Variants in PRDM9 observed in about 807,000 individuals in gnomAD.
PRDM9 encodes the protein histone-lysine N-methyltransferase PRDM9.
PRDM9 carries 47 observed loss-of-function variants against 55.6 expected under a neutral mutation model. The observed-to-expected ratio is 0.85, with a 90% CI of 0.67 to 1.08. The LOEUF is 1.08. PRDM9 is among the 50% of genes least tolerant of loss of function. The pLI, the probability that PRDM9 is intolerant of heterozygous loss-of-function variation, is 0.00. For synonymous variants in PRDM9, 312 were observed against 375.7 expected, an observed-to-expected ratio of 0.83 and a Z score of 1.96; for missense variants, 867 against 1,040.3, an observed-to-expected ratio of 0.83 and a Z score of 2.29.
rs1449710796 is a variant in PRDM9 at position 23,527,527 on chromosome 5, T to A, written c.2439T>A (p.Phe813Leu). ...PYVCRECGRGFSNKSHLLRHQ... is the reference protein window; with the variant it reads ...PYVCRECGRGLSNKSHLLRHQ... ...TCTGCAGGGAGTGTGGGCGGGGCTT[T>A]AGCAATAAGTCACACCTCCTCAGAC... Residue 813 changes from phenylalanine (F) to leucine (L), a missense_variant, in exon 11 of 11, where the codon TTT becomes TTA. Physicochemically the swap from Phe to Leu is conservative, Grantham distance 22. Transcript: ENST00000296682. 1 of 1,564,214 alleles carries A rather than the reference T, an allele frequency of 6.4e-7. No homozygotes were observed. Among genetic ancestry groups the A allele is most frequent in the South Asian group, 1.1e-5 (1 of 87,620 alleles).
At chr5:23,523,870 G>A (rs1337318703) in intron 9 of PRDM9, among the ~76,000 whole-genome samples, 2 of 152,168 alleles carry the variant, frequency 1.3e-5, no homozygotes, top group Non-Finnish European at 1.5e-5. Context: ...CAGGTGAATG[G>A]CACCTGAATG....
chr5:23,523,155 C>T (rs1217481039), intron 8 of PRDM9, 136 bp from the exon 9 acceptor site: 1 of 1,145,032 alleles, frequency 8.7e-7, no homozygotes, highest in Non-Finnish European at 1.3e-6. Flanking sequence ...TAGATGATGA[C>T]TAAGGTGCAT....
rs1235185238 is a variant in PRDM9, at chr5:23,509,522, C to A, written c.122C>A (p.Ala41Glu). The change falls in exon 3 of 11, where the codon GCA becomes GAA. Residue 41 changes from alanine to glutamate, a missense_variant. Coordinates refer to ENST00000296682, the MANE Select transcript of PRDM9 (RefSeq NM_020227.4). ...ISIYFTKEEW[A>E]EMGDWEKTRY... is the part of the protein sequence containing the mutation. ...ATATACTTCACCAAGGAAGAATGGG[C>A]AGAGATGGGAGACTGGGAGAAAACT... 6.2e-7 allele frequency: 1 copy of A among 1,613,926 alleles called. No individual in the cohort carries two copies. Among genetic ancestry groups the A allele is most frequent in the Non-Finnish European group, 8.5e-7 (1 of 1,180,018 alleles).
At chr5:23,514,598 A>G (rs1739166907) in intron 4 of PRDM9, among the ~76,000 whole-genome samples, 1 of 151,956 alleles carries the variant, frequency 6.6e-6, no homozygotes, top group Admixed American at 6.6e-5. Context: ...ACAGGGGCAC[A>G]CCAGCTAATT....
chr5:23,515,310 A>G (rs1207984929), intron 4 of PRDM9, among the ~76,000 whole-genome samples: 1 of 152,156 alleles, frequency 6.6e-6, no homozygotes, highest in South Asian at 2.1e-4. Context: ...AGGTCTCACT[A>G]TGTTGCTCTG....
chr5:23,524,264 G>A, intron 9 of PRDM9, 70 bp from the exon 10 acceptor site: 2 of 1,562,154 alleles, frequency 1.3e-6, no homozygotes, highest in Admixed American at 1.7e-5. Context: ...AGCAGGTGAT[G>A]GGCCATACCT....
At chr5:23,515,525 CTTAT>C (rs1739194093) in intron 4 of PRDM9, among the ~76,000 whole-genome samples, 1 of 152,090 alleles carries the variant, frequency 6.6e-6, no homozygotes, top group Non-Finnish European at 1.5e-5. Context: ...TTGATGTAGT[CTTAT>C]TTGTCTATTT....
chr5:23,525,236 C>T (rs974502209), intron 10 of PRDM9, among the ~76,000 whole-genome samples: 2 of 152,188 alleles, frequency 1.3e-5, no homozygotes, highest in African/African-American at 4.8e-5. Context: ...GTGCAATGGT[C>T]CTACGGCCAG....
At chr5:23,511,882 A>G (rs1343113421) in intron 4 of PRDM9, among the ~76,000 whole-genome samples, 1 of 152,068 alleles carries the variant, frequency 6.6e-6, no homozygotes, top group Non-Finnish European at 1.5e-5. Context: ...AACAATTGTG[A>G]CAGAATGTTG....
At chr5:23,516,091 A>T (rs1421234208) in intron 4 of PRDM9, among the ~76,000 whole-genome samples, 1 of 152,208 alleles carries the variant, frequency 6.6e-6, no homozygotes, top group Non-Finnish European at 1.5e-5. Context: ...TCTATAGATC[A>T]TTTTGATAGT....
rs751021787 is a variant in PRDM9 at position 23,527,422 on chromosome 5, C to T, written c.2334C>T (p.Cys778=). The T allele has an allele frequency of 1.3e-6, 2 of 1,598,722 alleles. No individual in the cohort carries two copies. The highest frequency in any genetic ancestry group is 4.5e-5 in the East Asian group (2 of 44,080). ...RTHTGEKPYV[C]RECGRGFRDK... is the part of the protein sequence containing the mutation. Reference sequence around the variant, plus strand: ...ACACAGGGGAGAAGCCCTATGTCTGCAGGGAGTGTGGGCGGGGCTTTAGAG... The same window carrying T: ...ACACAGGGGAGAAGCCCTATGTCTGTAGGGAGTGTGGGCGGGGCTTTAGAG... The change falls in exon 11 of 11, where the codon TGC becomes TGT. Residue 778 remains cysteine, a synonymous_variant. Coordinates refer to ENST00000296682, the MANE Select transcript of PRDM9 (RefSeq NM_020227.4).
At chr5:23,517,850 A>G (rs373239302) in intron 4 of PRDM9, 31 bp from the exon 5 acceptor site, 11 of 1,549,340 alleles carry the variant, frequency 7.1e-6, no homozygotes, top group Non-Finnish European at 8.9e-6. Flanking sequence ...ACATTTACCA[A>G]CCAAACCACT....
intron 4 of PRDM9, among the ~76,000 whole-genome samples, chr5:23,516,404 G>A (rs1260311326): frequency 6.6e-6 from 1 of 151,928 alleles, no homozygotes; most frequent in Non-Finnish European, 1.5e-5. Context: ...ATGGAGTCTG[G>A]CTCTGTTGCC....
chr5:23,509,497 A>T lies in PRDM9; in HGVS notation c.97A>T (p.Ile33Leu), dbSNP rs1468321108. 1.9e-6 allele frequency: 3 copies of T among 1,614,204 alleles called. No homozygotes were observed. In the South Asian group the frequency reaches 3.3e-5, roughly 18 times the overall value. Residue 33 changes from isoleucine to leucine, a missense_variant, in exon 3 of 11, where the codon ATA (isoleucine) becomes TTA (leucine). Ile to Leu is a conservative substitution (Grantham distance 5). Transcript: ENST00000296682. The part of the protein sequence containing the change: ...MVKDAFKDIS[I>L]YFTKEEWAEM... ...CAAAGATGCCTTCAAAGACATTTCC[A>T]TATACTTCACCAAGGAAGAATGGGC...
intron 4 of PRDM9, 42 bp from the exon 5 acceptor site, chr5:23,517,839 A>G (rs1223706403): frequency 1.3e-6 from 2 of 1,506,610 alleles, no homozygotes; most frequent in African/African-American, 2.8e-5. Flanking sequence ...AGTGTTTGGA[A>G]ACATTTACCA....
At chr5:23,516,425 T>G (rs536685603) in intron 4 of PRDM9, among the ~76,000 whole-genome samples, 4 of 152,072 alleles carry the variant, frequency 2.6e-5, no homozygotes, top group African/African-American at 9.7e-5. Flanking sequence ...CAGGCTGGAG[T>G]GCAGTGGCGT....
intron 4 of PRDM9, among the ~76,000 whole-genome samples, chr5:23,517,678 T>G (rs2126419459): frequency 6.6e-6 from 1 of 152,158 alleles, no homozygotes; most frequent in South Asian, 2.1e-4. Flanking sequence ...TCCCAACAAC[T>G]CACAAGGCTG....
intron 9 of PRDM9, 99 bp from the exon 10 acceptor site, chr5:23,524,235 G>T: frequency 6.7e-7 from 1 of 1,486,592 alleles, no homozygotes; most frequent in South Asian, 1.1e-5. Context: ...GTCAGCACTA[G>T]ACCATGGAGG....
chr5:23,525,491 T>G (rs2126433069), intron 10 of PRDM9, among the ~76,000 whole-genome samples: 1 of 152,276 alleles, frequency 6.6e-6, no homozygotes, highest in East Asian at 1.9e-4. Context: ...ATATTCTCAT[T>G]TTATGATTTG....
Sources: allele counts gnomAD v4.1 joint callset (sites outside exome capture counted in the v4.1 genomes callset), GRCh38; gene constraint gnomAD v4.1.1; transcripts MANE v1.5; gene names NCBI Gene and HGNC (gene_info 2026-07-23, HGNC 2026-07-21).